Variants in LRBA observed in about 807,000 individuals in gnomAD.
The protein encoded by LRBA is LPS responsive beige-like anchor protein.
Under a neutral mutation model 330.0 loss-of-function variants are expected in LRBA, and 176 were observed. The ratio of observed to expected loss-of-function variants is 0.53; its 90% CI spans 0.47 to 0.60. The LOEUF is 0.60. LRBA is among the 20% of genes least tolerant of loss of function. The pLI is 0.00. For missense variants in LRBA, 3,259 were observed against 3,444.8 expected, an observed-to-expected ratio of 0.95 and a Z score of 1.35; for synonymous variants, 1,230 against 1,193.0, an observed-to-expected ratio of 1.03 and a Z score of -0.64.
intron 35 of LRBA, among the ~76,000 whole-genome samples, chr4:150,738,814 G>A (rs1731561043): frequency 6.6e-6 from 1 of 150,760 alleles, no homozygotes; most frequent in Non-Finnish European, 1.5e-5. Context: ...CAAGCCAATG[G>A]GAAAAAAATT....
chr4:150,454,976 TTTA>T (rs150813872), intron 44 of LRBA, among the ~76,000 whole-genome samples: 51,074 of 145,986 alleles, frequency 0.35, 8,869 homozygotes, highest in South Asian at 0.47. Context: ...TATTTTATTT[TTTA>T]TTTTTTTTAT....
At position 150,423,732 on chromosome 4, in the gene LRBA, C is replaced by T. The variant is rs6813705; in HGVS notation, c.7042-8142G>A. ...CCAGCACCAGGCAGAGATTTCTCAG[C>T]GCCACGGCACACGTGGGCTCCGTCC... On this transcript the variant is annotated intron_variant, in intron 46 of 56. Transcript: ENST00000651943. 42 of 186,572 alleles carry T rather than the reference C, an allele frequency of 2.3e-4. 1 individual carries two copies. In the East Asian group the frequency reaches 4.9e-3, roughly 22 times the overall value. The allele number at this position is 186,572 out of a possible 1,614,324, so 11.6% of individuals were successfully genotyped here.
chr4:150,842,614 A>G (rs1749259378), intron 28 of LRBA, among the ~76,000 whole-genome samples: 1 of 152,206 alleles, frequency 6.6e-6, no homozygotes, highest in Non-Finnish European at 1.5e-5. Flanking sequence ...AAAAAAGTTG[A>G]TGGCTTCTTA....
rs527594651 is a variant in LRBA at position 150,657,315 on chromosome 4, A to G, written c.5921+26236T>C. Among the ~76,000 whole-genome samples the G allele has an allele frequency of 3.3e-5, 5 of 152,280 alleles. No individual in the cohort carries two copies. In the South Asian group the frequency reaches 6.2e-4, roughly 19 times the overall value. On this transcript the variant is annotated intron_variant, in intron 37 of 56. Transcript: ENST00000651943. ...TTAATAATTATGCTAAAATGCTTCT[A>G]TATCATATAAGCAAACAAAAGATGT...
intron 40 of LRBA, among the ~76,000 whole-genome samples, chr4:150,536,847 G>C (rs1227974829): frequency 6.6e-6 from 1 of 152,050 alleles, no homozygotes; most frequent in Non-Finnish European, 1.5e-5. Flanking sequence ...CAAACAAATG[G>C]AACAACATTC....
chr4:150,265,751 A>C lies in LRBA; in HGVS notation c.8530T>G (p.Trp2844Gly). ...IVLFYNDFNR[W>G]HHEYQTRY ...TAGCGGGTTTGGTATTCATGATGCC[A>C]CCGGTTAAAGTCGTTGTAAAATAGC... Residue 2844 changes from tryptophan (W) to glycine (G), a missense_variant, in exon 57 of 57, where the codon TGG becomes GGG. By Grantham distance (184) the Trp-to-Gly change is radical. Coordinates refer to ENST00000651943, the MANE Select transcript of LRBA (RefSeq NM_001364905.1). 4 of 1,613,678 alleles carry C rather than the reference A, an allele frequency of 2.5e-6. No homozygotes were observed. The highest frequency in any genetic ancestry group is 3.4e-6 in the Non-Finnish European group (4 of 1,179,610).
Position 150,946,098 on chromosome 4 carries a change from G to A in LRBA, c.217-17033C>T, listed in dbSNP as rs145114440. On this transcript the variant is annotated intron_variant, in intron 2 of 56. Transcript: ENST00000651943. ...TAGGCGTGAGCCACCATGCCCAGCC[G>A]GCATATTTCTTATTATAAGAATAAA... Among the ~76,000 whole-genome samples the A allele has an allele frequency of 8.7e-3, 1,320 of 152,024 alleles. 21 individuals are homozygous for A. Among genetic ancestry groups the A allele is most frequent in the African/African-American group, 0.028 (1,176 of 41,482 alleles).
chr4:150,641,279 A>T (rs1356327726), intron 37 of LRBA, among the ~76,000 whole-genome samples: 2 of 152,144 alleles, frequency 1.3e-5, no homozygotes, highest in East Asian at 3.9e-4. Flanking sequence ...ATTCCCTAAC[A>T]ATTTTTATCA....
At chr4:150,330,940 G>A (rs956002104) in intron 48 of LRBA, among the ~76,000 whole-genome samples, 5 of 152,168 alleles carry the variant, frequency 3.3e-5, no homozygotes, top group African/African-American at 1.2e-4. Flanking sequence ...ACTTCTTGAT[G>A]AGGGCTGACT....
chr4:150,767,489 A>G (rs1735910027), intron 34 of LRBA, among the ~76,000 whole-genome samples: 1 of 152,134 alleles, frequency 6.6e-6, no homozygotes, highest in Non-Finnish European at 1.5e-5. Flanking sequence ...TAGTATTAAA[A>G]AATTTTTTTT....
intron 37 of LRBA, among the ~76,000 whole-genome samples, chr4:150,604,917 A>G (rs928499998): frequency 6.6e-5 from 10 of 152,234 alleles, no homozygotes; most frequent in African/African-American, 2.2e-4. Context: ...AGACACTATC[A>G]GTGGCAGTTG....
chr4:150,524,263 A>G (rs914137149), intron 40 of LRBA, among the ~76,000 whole-genome samples: 27 of 152,200 alleles, frequency 1.8e-4, no homozygotes, highest in Non-Finnish European at 4.4e-5. Context: ...CTAACAATCC[A>G]TACTACCTTC....
rs74382772 is a variant in LRBA, at chr4:150,754,858, T to C, written c.5645+6925A>G. ...CAGAAAAAGCACATGGCTCTTTAAG[T>C]AACACTCAAGGATTTCCAAGTGATA... On this transcript the variant is annotated intron_variant, in intron 35 of 56. Transcript: ENST00000651943. 3.1e-3 allele frequency among the ~76,000 whole-genome samples: 476 copies of C among 152,306 alleles called. 2 individuals are homozygous for C. The highest frequency in any genetic ancestry group is 4.8e-3 in the Non-Finnish European group (328 of 68,012).
At chr4:150,660,520 G>T (rs530348377) in intron 37 of LRBA, among the ~76,000 whole-genome samples, 24 of 151,422 alleles carry the variant, frequency 1.6e-4, no homozygotes, top group South Asian at 4.2e-4. Context: ...CGCCCTGTCC[G>T]GGAGGTGAGG....
chr4:150,906,484 C>G (rs529609624), intron 11 of LRBA, 79 bp from the exon 12 acceptor site: 10 of 716,836 alleles, frequency 1.4e-5, no homozygotes, highest in Non-Finnish European at 2.4e-5. Context: ...TGTAACCCTT[C>G]CATTCACCTT....
chr4:150,954,375 G>A (rs1737286555), intron 2 of LRBA, among the ~76,000 whole-genome samples: 1 of 152,334 alleles, frequency 6.6e-6, no homozygotes, highest in East Asian at 1.9e-4. Context: ...TACTGTGTCT[G>A]TATAGAAAGA....
At chr4:150,559,728 TATATA>T (rs1395692284) in intron 40 of LRBA, among the ~76,000 whole-genome samples, 14 of 90,214 alleles carry the variant, frequency 1.6e-4, no homozygotes, top group East Asian at 5.4e-4. Flanking sequence ...GATTATATAA[TATATA>T]ATATAATATA....
At chr4:151,005,035 G>A (rs1743847725) in intron 2 of LRBA, among the ~76,000 whole-genome samples, 1 of 152,058 alleles carries the variant, frequency 6.6e-6, no homozygotes, top group South Asian at 2.1e-4. Context: ...AGAAGTGGAG[G>A]AGAGGGAAAT....
chr4:150,508,871 C>A (rs533329699), intron 40 of LRBA, among the ~76,000 whole-genome samples: 66 of 152,314 alleles, frequency 4.3e-4, no homozygotes, highest in Middle Eastern at 6.8e-3. Context: ...CAGAACCTAA[C>A]TGACATTTAT....
Sources: gnomAD v4.1 joint callset for allele counts (sites outside exome capture counted in the v4.1 genomes callset) on GRCh38, gnomAD v4.1.1 for gene constraint, MANE v1.5 for transcripts, NCBI Gene and HGNC (gene_info 2026-07-23, HGNC 2026-07-21) for gene names.